The following GRIN2A variants were observed in gnomAD, a reference collection of about 807,000 sequenced individuals.
GRIN2A encodes the protein glutamate ionotropic receptor NMDA type subunit 2A.
In GRIN2A, 22 loss-of-function variants were observed where a neutral mutation model predicts 113.4. The ratio of observed to expected loss-of-function variants is 0.19; its 90% CI spans 0.14 to 0.28. The LOEUF (loss-of-function observed/expected upper bound fraction) is 0.28, where lower values mean the gene tolerates loss of function less well. Among genes scored for constraint, GRIN2A ranks in the 10% least tolerant of loss-of-function variants. The pLI is 1.00. For missense variants in GRIN2A, 1,502 were observed against 1,887.0 expected (o/e 0.80, Z 3.78); for synonymous variants, 827 against 738.4 (o/e 1.12, Z -1.94).
chr16:9,931,682 C>T (rs532061443), intron 3 of GRIN2A, among the ~76,000 whole-genome samples: 1 of 152,278 alleles, frequency 6.6e-6, no homozygotes, highest in Admixed American at 6.5e-5. Context: ...ACCTCCTCTT[C>T]AGTAAGTGTA....
At position 9,758,608 on chromosome 16, in the gene GRIN2A, A is replaced by AAATCAAGC. The variant is rs1247147661; in HGVS notation, c.*4533_*4540dup. 4.7e-6 allele frequency: 1 copy of AAATCAAGC among 210,924 alleles called. No homozygotes were observed. Among genetic ancestry groups the AAATCAAGC allele is most frequent in the Non-Finnish European group, 9.6e-6 (1 of 103,950 alleles). 13.1% of individuals were successfully genotyped at this position (210,924 alleles called of 1,614,324 possible). A position where few individuals can be genotyped will look rare whatever the true frequency, so the allele number is the denominator to read the frequency against. ...TAATACACTTACGTGTGAATTGTAG[A>AAATCAAGC]AATCAAGCATGTATATTATATACAT... On this transcript the variant is annotated 3_prime_UTR_variant, in exon 13 of 13. Coordinates refer to ENST00000330684, the MANE Select transcript of GRIN2A (RefSeq NM_001134407.3).
In GRIN2A at chr16:9,840,633, T is replaced by G. The variant is rs1375166103; in HGVS notation, c.1651+14A>C. The G allele has an allele frequency of 1.2e-6, 2 of 1,610,924 alleles. No individual in the cohort carries two copies. Among genetic ancestry groups the G allele is most frequent in the African/African-American group, 2.7e-5 (2 of 74,812 alleles). On this transcript the variant is annotated intron_variant, in intron 7 of 12. Coordinates refer to ENST00000330684, the MANE Select transcript of GRIN2A (RefSeq NM_001134407.3). ...CCTTATAGGAAAGCAATAGTCACTA[T>G]GAAATTCACACACCTAGAAAAGCAG...
chr16:9,919,816 T>C lies in GRIN2A; in HGVS notation c.1007+18143A>G, dbSNP rs562032657. 9.3e-4 allele frequency among the ~76,000 whole-genome samples: 142 copies of C among 152,350 alleles called. 2 individuals are homozygous for C. The highest frequency in any genetic ancestry group is 2.1e-3 in the South Asian group (10 of 4,824). On this transcript the variant is annotated intron_variant, in intron 3 of 12. Coordinates refer to ENST00000330684, the MANE Select transcript of GRIN2A (RefSeq NM_001134407.3). ...CTGGCTCCTGCCGTTCTGACCATCA[T>C]GCTGCTCCTCAGACCCTCCAAGCAA...
intron 2 of GRIN2A, among the ~76,000 whole-genome samples, chr16:10,054,117 A>T (rs1303857516): frequency 6.6e-6 from 1 of 152,044 alleles, no homozygotes; most frequent in South Asian, 2.1e-4. Flanking sequence ...CAAAGCTAAA[A>T]AAAGGAAAAT....
At chr16:9,806,385 C>T (rs2041967215) in intron 10 of GRIN2A, among the ~76,000 whole-genome samples, 1 of 152,104 alleles carries the variant, frequency 6.6e-6, no homozygotes, top group Non-Finnish European at 1.5e-5. Flanking sequence ...CAAATTTCAC[C>T]CTGTGTGCTT....
At chr16:9,992,312 G>T (rs1379326356) in intron 2 of GRIN2A, among the ~76,000 whole-genome samples, 1 of 152,112 alleles carries the variant, frequency 6.6e-6, no homozygotes, top group African/African-American at 2.4e-5. Context: ...AGGTAAAGAG[G>T]AGGCTTTATA....
At chr16:9,865,475 C>T (rs868771699) in intron 4 of GRIN2A, among the ~76,000 whole-genome samples, 1 of 152,106 alleles carries the variant, frequency 6.6e-6, no homozygotes, top group African/African-American at 2.4e-5. Context: ...TTAAAAGAAC[C>T]GTGCATTTGG....
At chr16:10,061,622 G>C (rs1306738342) in intron 2 of GRIN2A, among the ~76,000 whole-genome samples, 4 of 152,212 alleles carry the variant, frequency 2.6e-5, no homozygotes, top group African/African-American at 9.6e-5. Flanking sequence ...CTGGGGCAGA[G>C]AGAGGTGGTG....
At chr16:10,051,369 C>T (rs924145522) in intron 2 of GRIN2A, among the ~76,000 whole-genome samples, 5 of 152,074 alleles carry the variant, frequency 3.3e-5, no homozygotes, top group African/African-American at 1.2e-4. Flanking sequence ...AAAGGGCAGT[C>T]GTAAGTGAGT....
At chr16:9,865,453 A>T (rs1012800961) in intron 4 of GRIN2A, among the ~76,000 whole-genome samples, 1 of 152,206 alleles carries the variant, frequency 6.6e-6, no homozygotes, top group Admixed American at 6.5e-5. Flanking sequence ...ATATAGTGGC[A>T]AACACAGCAG....
rs542992932 is a variant in GRIN2A, at chr16:9,986,390, A to T, written c.415-47839T>A. 1.2e-4 allele frequency among the ~76,000 whole-genome samples: 19 copies of T among 152,340 alleles called. No individual in the cohort carries two copies. The South Asian group carries it at 3.9e-3, about 32-fold the overall frequency. On this transcript the variant is annotated intron_variant, in intron 2 of 12. Transcript: ENST00000330684. Reference sequence around the variant, plus strand: ...CACCAAAGAGTTACAGTTGTGGTGAAATTACAAGTGATCTTTGTCGATTTT... The same window carrying T: ...CACCAAAGAGTTACAGTTGTGGTGATATTACAAGTGATCTTTGTCGATTTT...
intron 4 of GRIN2A, among the ~76,000 whole-genome samples, chr16:9,888,132 G>A (rs556132191): frequency 6.6e-6 from 1 of 152,190 alleles, no homozygotes; most frequent in East Asian, 1.9e-4. Context: ...GTAGAGACGG[G>A]GTTTCACCAT....
intron 2 of GRIN2A, among the ~76,000 whole-genome samples, chr16:10,080,076 A>G (rs2047950056): frequency 6.6e-6 from 1 of 152,220 alleles, no homozygotes; most frequent in East Asian, 1.9e-4. Flanking sequence ...TACTTAATAC[A>G]CCACATACAG....
intron 4 of GRIN2A, 145 bp from the exon 5 acceptor site, chr16:9,850,106 A>C: frequency 1.4e-6 from 1 of 739,234 alleles, no homozygotes; most frequent in South Asian, 1.5e-5. Flanking sequence ...TTCTGTGCTA[A>C]GACAAACGGG....
rs2141136377 is a variant in GRIN2A at position 9,764,674 on chromosome 16, C to T, written c.2870G>A (p.Gly957Glu). ...RSFQGKESIF[G>E]DNMNELQTFV... ...TGTTTGGAGTTCGTTCATGTTGTCT[C>T]CAAAAATGCTCTCTTTCCCCTGAAA... The change falls in exon 13 of 13, where the codon GGA becomes GAA. Residue 957 changes from glycine to glutamate, a missense_variant. By Grantham distance (98) the Gly-to-Glu change is moderately conservative (BLOSUM62 -2). This residue lies in a region of GRIN2A where 832 missense variants were observed against 789.7 expected (regional missense o/e 1.05). Coordinates refer to ENST00000330684, the MANE Select transcript of GRIN2A (RefSeq NM_001134407.3). The T allele has an allele frequency of 1.9e-6, 3 of 1,614,166 alleles. No homozygotes were observed. The highest frequency in any genetic ancestry group is 2.7e-5 in the African/African-American group (2 of 75,044).
At chr16:9,898,303 C>T (rs978282337) in intron 3 of GRIN2A, among the ~76,000 whole-genome samples, 8 of 152,126 alleles carry the variant, frequency 5.3e-5, no homozygotes, top group Non-Finnish European at 7.4e-5. Context: ...AGCCATGCTT[C>T]CCCTTGCCAT....
intron 2 of GRIN2A, among the ~76,000 whole-genome samples, chr16:10,116,889 C>A (rs1359541145): frequency 1.3e-5 from 2 of 152,114 alleles, no homozygotes; most frequent in Admixed American, 1.3e-4. Flanking sequence ...CAAACACAAT[C>A]GTATGGCCAG....
intron 2 of GRIN2A, among the ~76,000 whole-genome samples, chr16:10,066,364 A>AT (rs1338083148): frequency 6.6e-6 from 1 of 152,108 alleles, no homozygotes. Context: ...TCACCAACTT[A>AT]TTTATCTCTG....
At chr16:10,175,026 C>T (rs527713107) in intron 2 of GRIN2A, among the ~76,000 whole-genome samples, 1 of 152,330 alleles carries the variant, frequency 6.6e-6, no homozygotes, top group African/African-American at 2.4e-5. Context: ...TTTAGATACA[C>T]AAATACTCAC....
Sources: gnomAD v4.1 joint callset for allele counts (sites outside exome capture counted in the v4.1 genomes callset) on GRCh38, gnomAD v4.1.1 for gene constraint, gnomAD v4.1.1 regional missense constraint, MANE v1.5 for transcripts, NCBI Gene and HGNC (gene_info 2026-07-23, HGNC 2026-07-21) for gene names.